Variants in NKD1 observed in about 807,000 individuals in gnomAD.
NKD1 encodes protein naked cuticle homolog 1.
In NKD1, 21 loss-of-function variants were observed where a neutral mutation model predicts 56.0. The ratio of observed to expected loss-of-function variants is 0.38; its 90% CI spans 0.27 to 0.54. The LOEUF is 0.54. NKD1 is among the 20% of genes least tolerant of loss of function. The pLI, the probability that NKD1 is intolerant of heterozygous loss-of-function variation, is 0.82. For synonymous variants in NKD1, 263 were observed against 265.7 expected (o/e 0.99, Z 0.10); for missense variants, 578 against 642.7 (o/e 0.90, Z 1.09).
chr16:50,548,503 C>G lies in NKD1; in HGVS notation c.-51C>G, dbSNP rs1036767702. On this transcript the variant is annotated 5_prime_UTR_variant, in exon 1 of 10. Coordinates refer to ENST00000268459, the MANE Select transcript of NKD1 (RefSeq NM_033119.5). ...GGAGAGCCAAGGGAGGCGCCAGGCC[C>G]GCGGGCCGGGCGCATGGCTTAGGGA... The G allele has an allele frequency of 1.4e-6, 2 of 1,411,614 alleles. No homozygotes were observed. Among genetic ancestry groups the G allele is most frequent in the Non-Finnish European group, 1.8e-6 (2 of 1,082,648 alleles). The allele number at this position is 1,411,614 out of a possible 1,614,324, so 87.4% of individuals were successfully genotyped here. A position where few individuals can be genotyped will look rare whatever the true frequency, so the allele number is the denominator to read the frequency against.
At chr16:50,574,858 G>A in intron 3 of NKD1, 1 of 985,400 alleles carries the variant, frequency 1.0e-6, no homozygotes, top group East Asian at 1.1e-4. Context: ...TCTATGTGGG[G>A]GCCATGGTCT....
At chr16:50,590,223 C>A (rs74017731) in intron 3 of NKD1, among the ~76,000 whole-genome samples, 3,581 of 152,262 alleles carry the variant, frequency 0.024, 154 homozygotes, top group African/African-American at 0.081. Context: ...GGAGGCCCAA[C>A]CTTTTCCAGA....
intron 3 of NKD1, among the ~76,000 whole-genome samples, chr16:50,597,632 G>A (rs917075593): frequency 4.6e-5 from 7 of 152,132 alleles, no homozygotes; most frequent in South Asian, 2.1e-4. Flanking sequence ...GCACAGGAGC[G>A]GACTAGGCTG....
chr16:50,621,939 C>T (rs1962101690), intron 5 of NKD1, among the ~76,000 whole-genome samples: 1 of 152,238 alleles, frequency 6.6e-6, no homozygotes, highest in East Asian at 1.9e-4. Context: ...CCCCTCCATG[C>T]GGGCTGTGCC....
chr16:50,590,160 AC>A (rs1220368445), intron 3 of NKD1, among the ~76,000 whole-genome samples: 2 of 152,074 alleles, frequency 1.3e-5, no homozygotes, highest in Non-Finnish European at 2.9e-5. Context: ...CACTCTTTTG[AC>A]CTTGATACTA....
rs1962469787 is a variant in NKD1, at chr16:50,636,448, A to T, written c.*2667A>T. The T allele has an allele frequency of 2.6e-5, 4 of 152,244 alleles. No homozygotes were observed. The allele number at this position is 152,244 out of a possible 1,614,324, so 9.4% of individuals were successfully genotyped here. On this transcript the variant is annotated 3_prime_UTR_variant, in exon 10 of 10. Coordinates refer to ENST00000268459, the MANE Select transcript of NKD1 (RefSeq NM_033119.5). Reference sequence around the variant, plus strand: ...GTATATATACAAGGTGTACAGTAAAAAGTAAACTTCCCTCCATCCCAGGCC... The same window carrying T: ...GTATATATACAAGGTGTACAGTAAATAGTAAACTTCCCTCCATCCCAGGCC...
At chr16:50,548,624 G>C in intron 1 of NKD1, 46 bp downstream of exon 1, 4 of 1,442,976 alleles carry the variant, frequency 2.8e-6, no homozygotes, top group Non-Finnish European at 1.8e-6. Context: ...CGCCGCCGTC[G>C]CCGCCGCGGT....
intron 3 of NKD1, among the ~76,000 whole-genome samples, chr16:50,582,637 G>A (rs1404102844): frequency 6.6e-6 from 1 of 152,220 alleles, no homozygotes; most frequent in African/African-American, 2.4e-5. Context: ...GTTCTGCTGG[G>A]AATACACCAT....
chr16:50,630,154 C>T, intron 6 of NKD1, 32 bp from the exon 7 acceptor site: 2 of 1,607,872 alleles, frequency 1.2e-6, no homozygotes, highest in Non-Finnish European at 1.7e-6. Flanking sequence ...TGACTGAAAC[C>T]CTGCATGGGT....
intron 3 of NKD1, chr16:50,552,018 A>T (rs1267056901): frequency 1.3e-5 from 2 of 152,122 alleles, no homozygotes; most frequent in Non-Finnish European, 2.9e-5. Flanking sequence ...ATCAGGATGT[A>T]GGAGGGCATG....
At chr16:50,624,623 G>C (rs552145798) in intron 5 of NKD1, among the ~76,000 whole-genome samples, 1 of 152,316 alleles carries the variant, frequency 6.6e-6, no homozygotes, top group South Asian at 2.1e-4. Context: ...AGGCGATCCT[G>C]GGGCGCAGGT....
At chr16:50,618,513 T>G (rs1033637867) in intron 4 of NKD1, among the ~76,000 whole-genome samples, 2 of 152,166 alleles carry the variant, frequency 1.3e-5, no homozygotes, top group Non-Finnish European at 2.9e-5. Context: ...TTGACTTAGT[T>G]TAGTTTCAGA....
At chr16:50,580,092 C>G (rs1156814143) in intron 3 of NKD1, among the ~76,000 whole-genome samples, 1 of 152,200 alleles carries the variant, frequency 6.6e-6, no homozygotes, top group African/African-American at 2.4e-5. Flanking sequence ...CTCTAACCCA[C>G]TAAGCATGCA....
At chr16:50,582,096 TCTG>T (rs1199002196) in intron 3 of NKD1, among the ~76,000 whole-genome samples, 1 of 152,170 alleles carries the variant, frequency 6.6e-6, no homozygotes, top group Non-Finnish European at 1.5e-5. Flanking sequence ...CCAGCCTTGA[TCTG>T]CTGAGCTCTC....
In NKD1 at chr16:50,548,479, G is replaced by T. The variant is rs982300591; in HGVS notation, c.-75G>T. ...GGCTCGGGGGCTGCTTCGGGAGGAGGAGAGCCAAGGGAGGCGCCAGGCCCG... is the reference window on the plus strand; with the variant it reads ...GGCTCGGGGGCTGCTTCGGGAGGAGTAGAGCCAAGGGAGGCGCCAGGCCCG... On this transcript the variant is annotated 5_prime_UTR_variant, in exon 1 of 10. Transcript: ENST00000268459. 8.0e-6 allele frequency: 10 copies of T among 1,245,756 alleles called. No individual in the cohort carries two copies. 77.2% of individuals were successfully genotyped at this position (1,245,756 alleles called of 1,614,324 possible).
chr16:50,621,533 G>C, intron 4 of NKD1, 69 bp from the exon 5 acceptor site: 1 of 1,094,264 alleles, frequency 9.1e-7, no homozygotes. Flanking sequence ...GAGGACAAAG[G>C]TGCAGTGAGC....
At chr16:50,601,178 C>G (rs1378825434) in intron 3 of NKD1, among the ~76,000 whole-genome samples, 1 of 152,208 alleles carries the variant, frequency 6.6e-6, no homozygotes, top group African/African-American at 2.4e-5. Flanking sequence ...CTGCAGGGGC[C>G]CGCGATACAG....
At chr16:50,576,395 A>ATTT (rs1960994579) in intron 3 of NKD1, among the ~76,000 whole-genome samples, 2 of 152,230 alleles carry the variant, frequency 1.3e-5, no homozygotes. Flanking sequence ...TCCTGGTTTA[A>ATTT]ATATTGATAA....
intron 3 of NKD1, among the ~76,000 whole-genome samples, chr16:50,571,311 A>G (rs1007684402): frequency 7.2e-5 from 11 of 152,092 alleles, no homozygotes; most frequent in Non-Finnish European, 1.5e-4. Context: ...TGTGATCCGG[A>G]GAGGGGAAGG....
Sources: gnomAD v4.1 joint callset for allele counts (sites outside exome capture counted in the v4.1 genomes callset) on GRCh38, gnomAD v4.1.1 for gene constraint, MANE v1.5 for transcripts, NCBI Gene and HGNC (gene_info 2026-07-23, HGNC 2026-07-21) for gene names.